Variants in DACH1 observed in about 807,000 individuals in gnomAD.
DACH1 encodes dachshund homolog 1.
In DACH1, 12 loss-of-function variants were observed where a neutral mutation model predicts 54.2. That is an observed-to-expected ratio of 0.22 (90% confidence interval 0.14 to 0.36). The LOEUF (loss-of-function observed/expected upper bound fraction) is 0.36, where lower values mean the gene tolerates loss of function less well. Ranked by LOEUF, DACH1 falls within the 10% of genes least tolerant of loss-of-function variation. The pLI is 1.00. For synonymous variants in DACH1, 386 were observed against 366.2 expected, an observed-to-expected ratio of 1.05 and a Z score of -0.62; for missense variants, 805 against 929.8, an observed-to-expected ratio of 0.87 and a Z score of 1.75.
At chr13:71,675,263 C>A in intron 2 of DACH1, 1 of 1,586,540 alleles carries the variant, frequency 6.3e-7, no homozygotes, top group Non-Finnish European at 8.6e-7. Context: ...CGCAGACTTC[C>A]CTTCCAGAGT....
intron 6 of DACH1, among the ~76,000 whole-genome samples, chr13:71,510,303 T>C (rs1880678089): frequency 5.3e-5 from 8 of 152,060 alleles, no homozygotes. Context: ...TATATGCTGA[T>C]GCCTCCAAAA....
chr13:71,659,932 T>C (rs1001950434), intron 2 of DACH1, among the ~76,000 whole-genome samples: 2 of 152,126 alleles, frequency 1.3e-5, no homozygotes, highest in Non-Finnish European at 2.9e-5. Context: ...GTGTTATGTG[T>C]TGTGTGTATT....
At chr13:71,778,087 G>A (rs1886138922) in intron 1 of DACH1, among the ~76,000 whole-genome samples, 1 of 143,842 alleles carries the variant, frequency 7.0e-6, no homozygotes, top group Admixed American at 7.3e-5. Context: ...GTGAGACCCT[G>A]TCTACAATAA....
intron 1 of DACH1, among the ~76,000 whole-genome samples, chr13:71,798,821 C>A (rs1887166813): frequency 6.6e-6 from 1 of 152,038 alleles, no homozygotes; most frequent in Non-Finnish European, 1.5e-5. Context: ...TAACATATTG[C>A]AAGGTCTGAA....
chr13:71,663,830 C>T (rs745938411), intron 2 of DACH1, among the ~76,000 whole-genome samples: 3 of 151,804 alleles, frequency 2.0e-5, no homozygotes, highest in South Asian at 4.1e-4. Flanking sequence ...ATAATTCACA[C>T]GGCTGTCTCA....
intron 10 of DACH1, among the ~76,000 whole-genome samples, chr13:71,443,881 T>G (rs900964851): frequency 2.0e-5 from 3 of 152,178 alleles, no homozygotes; most frequent in African/African-American, 7.2e-5. Context: ...AAAAATTTAT[T>G]TCTAATTAAG....
At chr13:71,585,672 A>G (rs1255047789) in intron 3 of DACH1, among the ~76,000 whole-genome samples, 1 of 152,172 alleles carries the variant, frequency 6.6e-6, no homozygotes, top group Admixed American at 6.5e-5. Context: ...GGAATTAGGT[A>G]GGCTAGGACC....
At chr13:71,570,465 A>G (rs1346940722) in intron 4 of DACH1, among the ~76,000 whole-genome samples, 1 of 152,178 alleles carries the variant, frequency 6.6e-6, no homozygotes, top group Non-Finnish European at 1.5e-5. Flanking sequence ...AAAAACTATC[A>G]GATTTTACTT....
intron 2 of DACH1, among the ~76,000 whole-genome samples, chr13:71,650,439 T>C (rs773828033): frequency 3.5e-4 from 54 of 152,198 alleles, no homozygotes; most frequent in Non-Finnish European, 7.5e-4. Flanking sequence ...AACATTCAAT[T>C]ACATATCCAT....
At chr13:71,807,470 T>C (rs1319676015) in intron 1 of DACH1, among the ~76,000 whole-genome samples, 1 of 150,954 alleles carries the variant, frequency 6.6e-6, no homozygotes, top group Non-Finnish European at 1.5e-5. Flanking sequence ...GCAGCTGTTA[T>C]TTGCCATTAA....
intron 3 of DACH1, among the ~76,000 whole-genome samples, chr13:71,600,337 C>T (rs540575890): frequency 1.3e-5 from 2 of 152,236 alleles, no homozygotes; most frequent in Non-Finnish European, 2.9e-5. Flanking sequence ...GCCACTACTA[C>T]TGGCTGGACT....
chr13:71,843,885 A>C (rs1360845175), intron 1 of DACH1, among the ~76,000 whole-genome samples: 4 of 152,202 alleles, frequency 2.6e-5, no homozygotes, highest in Non-Finnish European at 4.4e-5. Flanking sequence ...TTAAACTAGG[A>C]ACATTTATTC....
chr13:71,766,229 T>C (rs1020549049), intron 1 of DACH1, among the ~76,000 whole-genome samples: 3 of 152,086 alleles, frequency 2.0e-5, no homozygotes, highest in African/African-American at 7.2e-5. Flanking sequence ...CCTACTCACC[T>C]CTCCTTCTCA....
intron 1 of DACH1, among the ~76,000 whole-genome samples, chr13:71,857,664 A>G (rs1027477449): frequency 6.6e-6 from 1 of 151,790 alleles, no homozygotes; most frequent in Non-Finnish European, 1.5e-5. Flanking sequence ...ATCCTCATAT[A>G]AAATGTGTGA....
intron 10 of DACH1, among the ~76,000 whole-genome samples, chr13:71,454,659 C>A (rs1374359755): frequency 6.6e-6 from 1 of 152,152 alleles, no homozygotes; most frequent in Non-Finnish European, 1.5e-5. Flanking sequence ...AACCCAGGCC[C>A]TCAGTCTAGC....
chr13:71,630,164 T>C (rs1278576542), intron 3 of DACH1, among the ~76,000 whole-genome samples: 1 of 152,144 alleles, frequency 6.6e-6, no homozygotes. Flanking sequence ...GGTAGTAAGT[T>C]TCTTACTTGA....
At chr13:71,477,381 A>G (rs1026575639) in intron 8 of DACH1, among the ~76,000 whole-genome samples, 4 of 151,778 alleles carry the variant, frequency 2.6e-5, no homozygotes, top group African/African-American at 9.7e-5. Flanking sequence ...TCGCCCTCCC[A>G]AAGTGCTGGG....
chr13:71,711,049 G>A (rs1368006773), intron 1 of DACH1, among the ~76,000 whole-genome samples: 1 of 152,080 alleles, frequency 6.6e-6, no homozygotes, highest in Non-Finnish European at 1.5e-5. Flanking sequence ...ATGGTTCTAA[G>A]TAGAAAGAAA....
At chr13:71,647,693 T>C (rs1210033250) in intron 2 of DACH1, among the ~76,000 whole-genome samples, 4 of 152,102 alleles carry the variant, frequency 2.6e-5, no homozygotes, top group Non-Finnish European at 5.9e-5. Context: ...GGAGAAACAA[T>C]GGGAATACCT....
Sources: gnomAD v4.1 joint callset for allele counts (sites outside exome capture counted in the v4.1 genomes callset) on GRCh38, gnomAD v4.1.1 for gene constraint, MANE v1.5 for transcripts, NCBI Gene and HGNC (gene_info 2026-07-23, HGNC 2026-07-21) for gene names.